The following SMIM13 variants were observed in gnomAD, a reference collection of about 807,000 sequenced individuals.
SMIM13 encodes the protein UPF0766 protein C6orf228.
In SMIM13, 3 loss-of-function variants were observed where a neutral mutation model predicts 5.9. The ratio of observed to expected loss-of-function variants is 0.51; its 90% CI spans 0.23 to 1.31. SMIM13 has a LOEUF of 1.31. SMIM13 is among the 40% of genes most tolerant of loss of function. SMIM13 has a pLI of 0.18. For missense variants in SMIM13, 85 were observed against 109.9 expected (o/e 0.77, Z 1.01); for synonymous variants, 55 against 46.0 (o/e 1.19, Z -0.79).
intron 1 of SMIM13, chr6:11,104,219 T>C: frequency 2.6e-6 from 4 of 1,551,666 alleles, no homozygotes; most frequent in Non-Finnish European, 2.6e-6. Context: ...CCGTACCAGC[T>C]AGAATGCCGA....
intron 1 of SMIM13, among the ~76,000 whole-genome samples, chr6:11,110,115 C>G (rs1455685755): frequency 6.6e-6 from 1 of 152,188 alleles, no homozygotes; most frequent in Non-Finnish European, 1.5e-5. Flanking sequence ...GGGCATCTCC[C>G]CTTGTTCTCT....
Position 11,134,555 on chromosome 6 carries a change from C to T in SMIM13, c.229C>T (p.Arg77Cys), listed in dbSNP as rs901916607. The T allele has an allele frequency of 1.1e-5, 17 of 1,549,590 alleles. No individual in the cohort carries two copies. The highest frequency in any genetic ancestry group is 7.9e-5 in the Admixed American group (4 of 50,896). The change falls in exon 2 of 2, where the codon CGC becomes TGC. Residue 77 changes from arginine (R) to cysteine (C), a missense_variant. Arg to Cys is a radical substitution (Grantham distance 180). Coordinates refer to ENST00000416247, the MANE Select transcript of SMIM13 (RefSeq NM_001135575.2). ...CTCTCCACACAGAATCAGATCCGCTCGCCAAAGGAGGGCACCTGCTGATGA... is the reference window on the plus strand; with the variant it reads ...CTCTCCACACAGAATCAGATCCGCTTGCCAAAGGAGGGCACCTGCTGATGA... Reference protein sequence around the residue: ...SSSPHRIRSARQRRAPADEGH... With the variant: ...SSSPHRIRSACQRRAPADEGH...
At chr6:11,099,491 T>C (rs1757965423) in intron 1 of SMIM13, among the ~76,000 whole-genome samples, 1 of 152,152 alleles carries the variant, frequency 6.6e-6, no homozygotes, top group South Asian at 2.1e-4. Context: ...ATGTTTTACT[T>C]GTCCATCATC....
At chr6:11,102,715 T>C (rs1581910647) in intron 1 of SMIM13, 2 of 152,182 alleles carry the variant, frequency 1.3e-5, no homozygotes, top group South Asian at 4.1e-4. Flanking sequence ...CTGAGTCGGG[T>C]GTTAGTTTGC....
chr6:11,112,018 G>A (rs1272087139), intron 1 of SMIM13, among the ~76,000 whole-genome samples: 3 of 152,196 alleles, frequency 2.0e-5, no homozygotes, highest in African/African-American at 4.8e-5. Flanking sequence ...GATCTTATCA[G>A]GAAGTTGCTG....
In SMIM13 at chr6:11,137,767, T is replaced by C. The variant is rs953649296; in HGVS notation, c.*3165T>C. ...AAAACACTAAATATTTGTGTAGTGC[T>C]GTTAAATGAGGTTTTTGATATTTCC... On this transcript the variant is annotated 3_prime_UTR_variant, in exon 2 of 2. Transcript: ENST00000416247. The C allele has an allele frequency of 6.6e-6, 1 of 152,204 alleles. No individual in the cohort carries two copies. Among genetic ancestry groups the C allele is most frequent in the Admixed American group, 6.5e-5 (1 of 15,282 alleles). 9.4% of individuals were successfully genotyped at this position (152,204 alleles called of 1,614,324 possible). A position where few individuals can be genotyped will look rare whatever the true frequency, so the allele number is the denominator to read the frequency against.
intron 1 of SMIM13, among the ~76,000 whole-genome samples, chr6:11,122,562 G>A (rs772265239): frequency 2.0e-5 from 3 of 151,804 alleles, no homozygotes; most frequent in Non-Finnish European, 4.4e-5. Flanking sequence ...CAAAGATCAG[G>A]CCTGTGACCT....
intron 1 of SMIM13, among the ~76,000 whole-genome samples, chr6:11,098,743 T>G (rs1486579933): frequency 6.6e-6 from 1 of 152,188 alleles, no homozygotes; most frequent in South Asian, 2.1e-4. Flanking sequence ...CATTCAACAT[T>G]TCTTTGGCTT....
At chr6:11,133,769 C>T (rs2059583840) in intron 1 of SMIM13, among the ~76,000 whole-genome samples, 1 of 149,072 alleles carries the variant, frequency 6.7e-6, no homozygotes. Flanking sequence ...GAGAATTAGT[C>T]ATACTTTTTA....
intron 1 of SMIM13, among the ~76,000 whole-genome samples, chr6:11,096,430 C>T (rs927827591): frequency 1.3e-5 from 2 of 152,222 alleles, no homozygotes; most frequent in African/African-American, 4.8e-5. Flanking sequence ...TGTGCTAGGA[C>T]ACCTTAGTTT....
intron 1 of SMIM13, among the ~76,000 whole-genome samples, chr6:11,119,018 G>A (rs528204839): frequency 6.6e-6 from 1 of 152,328 alleles, no homozygotes; most frequent in Admixed American, 6.5e-5. Flanking sequence ...GGACAATCCA[G>A]TTGATAGATA....
At position 11,135,944 on chromosome 6, in the gene SMIM13, TAGC is replaced by T. The variant is rs1244810550; in HGVS notation, c.*1345_*1347del. 2 of 152,230 alleles carry T rather than the reference TAGC, an allele frequency of 1.3e-5. No homozygotes were observed. Among genetic ancestry groups the T allele is most frequent in the Admixed American group, 6.5e-5 (1 of 15,280 alleles). 9.4% of individuals were successfully genotyped at this position (152,230 alleles called of 1,614,324 possible). A position where few individuals can be genotyped will look rare whatever the true frequency, so the allele number is the denominator to read the frequency against. Reference sequence around the variant, plus strand: ...TGTAAATTTATTTTTCTTTTTAAGATAGCAGTTATTTATTGGGGAATTTGATTC... The same window carrying T: ...TGTAAATTTATTTTTCTTTTTAAGATAGTTATTTATTGGGGAATTTGATTC... On this transcript the variant is annotated 3_prime_UTR_variant, in exon 2 of 2. Coordinates refer to ENST00000416247, the MANE Select transcript of SMIM13 (RefSeq NM_001135575.2).
At chr6:11,107,257 G>A (rs1428658510) in intron 1 of SMIM13, among the ~76,000 whole-genome samples, 1 of 152,216 alleles carries the variant, frequency 6.6e-6, no homozygotes, top group Admixed American at 6.5e-5. Flanking sequence ...GTTAAGGGTG[G>A]AACACTGCTC....
rs1758496730 is a variant in SMIM13 at position 11,134,698 on chromosome 6, G to A, written c.*96G>A. The A allele has an allele frequency of 1.0e-6, 1 of 980,106 alleles. No individual in the cohort carries two copies. The highest frequency in any genetic ancestry group is 1.4e-6 in the Non-Finnish European group (1 of 719,820). The allele number at this position is 980,106 out of a possible 1,614,324, so 60.7% of individuals were successfully genotyped here. A position where few individuals can be genotyped will look rare whatever the true frequency, so the allele number is the denominator to read the frequency against. On this transcript the variant is annotated 3_prime_UTR_variant, in exon 2 of 2. Transcript: ENST00000416247. The stretch of plus-strand genomic sequence containing the variant: ...CTAATGACTGAAGAACATTTGTATT[G>A]GATTTTAAGTCGAATTTTAAAAAAG...
chr6:11,107,080 A>G (rs1195644543), intron 1 of SMIM13, among the ~76,000 whole-genome samples: 4 of 152,180 alleles, frequency 2.6e-5, no homozygotes, highest in African/African-American at 9.7e-5. Flanking sequence ...TACTCTGCAT[A>G]TCTAGCTCTA....
intron 1 of SMIM13, among the ~76,000 whole-genome samples, chr6:11,133,322 A>G (rs116759850): frequency 0.027 from 4,153 of 152,294 alleles, 70 homozygotes; most frequent in South Asian, 0.073. Context: ...AACTTGAGAA[A>G]TGGATTAAAT....
chr6:11,126,632 A>C (rs1013305609), intron 1 of SMIM13, among the ~76,000 whole-genome samples: 1 of 152,046 alleles, frequency 6.6e-6, no homozygotes, highest in Non-Finnish European at 1.5e-5. Flanking sequence ...CTGATGCCTT[A>C]TGTAGTTCAT....
intron 1 of SMIM13, among the ~76,000 whole-genome samples, chr6:11,117,265 G>A (rs1344814460): frequency 2.7e-5 from 4 of 146,862 alleles, no homozygotes; most frequent in Non-Finnish European, 6.0e-5. Context: ...CCGGGTTCAC[G>A]CCATTCTCCT....
At chr6:11,107,626 G>A (rs1009662193) in intron 1 of SMIM13, among the ~76,000 whole-genome samples, 1 of 152,176 alleles carries the variant, frequency 6.6e-6, no homozygotes, top group Non-Finnish European at 1.5e-5. Flanking sequence ...AAAAGAAAGA[G>A]TCTTTAAGGT....
Sources: allele counts gnomAD v4.1 joint callset (sites outside exome capture counted in the v4.1 genomes callset), GRCh38; gene constraint gnomAD v4.1.1; transcripts MANE v1.5; gene names NCBI Gene and HGNC (gene_info 2026-07-23, HGNC 2026-07-21).